Variants in CTPS2 observed in about 807,000 individuals in gnomAD.
The protein encoded by CTPS2 is CTP synthase II.
Under a neutral mutation model 46.8 loss-of-function variants are expected in CTPS2, and 19 were observed. That is an observed-to-expected ratio of 0.41 (90% CI 0.28 to 0.60). The LOEUF (loss-of-function observed/expected upper bound fraction) is 0.60. Among genes scored for constraint, CTPS2 ranks in the 20% least tolerant of loss-of-function variants. CTPS2 has a pLI of 0.35. For synonymous variants in CTPS2, 151 were observed against 165.2 expected, an observed-to-expected ratio of 0.91 and a Z score of 0.66; for missense variants, 286 against 447.6, an observed-to-expected ratio of 0.64 and a Z score of 3.26.
At chrX:16,610,867 C>T (rs955638311) in intron 16 of CTPS2, among the ~76,000 whole-genome samples, 10 of 112,246 alleles carry the variant, frequency 8.9e-5, no homozygotes, top group East Asian at 2.8e-4. Flanking sequence ...GCCATAAAAA[C>T]GAAACCATGT....
intron 15 of CTPS2, among the ~76,000 whole-genome samples, chrX:16,618,882 G>C (rs187328243): frequency 9.0e-6 from 1 of 111,066 alleles, no homozygotes; most frequent in Admixed American, 9.6e-5. Flanking sequence ...CTTATTTTTT[G>C]TCCTCTCCAT....
intron 17 of CTPS2, among the ~76,000 whole-genome samples, chrX:16,600,225 G>A (rs1929579095): frequency 8.9e-6 from 1 of 111,893 alleles, no homozygotes; most frequent in African/African-American, 3.2e-5. Flanking sequence ...CCACCTTTAC[G>A]CTACCCCAAG....
At chrX:16,688,246 A>G (rs1041659201) in intron 8 of CTPS2, among the ~76,000 whole-genome samples, 2 of 110,722 alleles carry the variant, frequency 1.8e-5, no homozygotes, top group Non-Finnish European at 1.9e-5. Context: ...TAAAAACACA[A>G]AAAATTAGCT....
chrX:16,595,434 G>C (rs932131097), intron 17 of CTPS2, among the ~76,000 whole-genome samples: 2 of 110,596 alleles, frequency 1.8e-5, no homozygotes, highest in Non-Finnish European at 3.8e-5. Context: ...AGCCTCCTGA[G>C]TAACTAGGAT....
intron 17 of CTPS2, among the ~76,000 whole-genome samples, chrX:16,599,171 T>C (rs141348697): frequency 0.025 from 2,796 of 111,999 alleles, 98 homozygotes; most frequent in African/African-American, 0.085. Context: ...CCCTCTCTCA[T>C]CACTCCTATT....
At chrX:16,686,102 T>C (rs1315030405) in intron 8 of CTPS2, among the ~76,000 whole-genome samples, 1 of 111,270 alleles carries the variant, frequency 9.0e-6, no homozygotes, top group Non-Finnish European at 1.9e-5. Context: ...TCGCATCAAT[T>C]AACAATGTCA....
At chrX:16,697,693 C>G (rs1373919900) in intron 4 of CTPS2, among the ~76,000 whole-genome samples, 1 of 110,467 alleles carries the variant, frequency 9.1e-6, no homozygotes, top group Non-Finnish European at 1.9e-5. Context: ...TCCTCCCACC[C>G]TGGCATCTGA....
At chrX:16,689,665 G>T in intron 7 of CTPS2, 64 bp from the exon 8 acceptor site, 2 of 1,047,194 alleles carry the variant, frequency 1.9e-6, no homozygotes, top group Admixed American at 2.6e-5. Flanking sequence ...CCACAAGAAT[G>T]AAACAAAATT....
In CTPS2 at chrX:16,674,959, G is replaced by A. The variant is rs1922137123; in HGVS notation, c.1094+3403C>T. Among the ~76,000 whole-genome samples, 3 of 110,305 alleles carry A rather than the reference G, an allele frequency of 2.7e-5. No homozygotes were observed. In the Admixed American group the frequency reaches 2.9e-4, roughly 11 times the overall value. ...CAGGTTTCTCTTAGAGTGCTGATCT[G>A]CTCTTTAACAAAAACTTCTAAAGGA... On this transcript the variant is annotated intron_variant, in intron 10 of 18. Transcript: ENST00000359276.
At chrX:16,691,475 G>A in intron 7 of CTPS2, 65 bp downstream of exon 7, 1 of 890,938 alleles carries the variant, frequency 1.1e-6, no homozygotes, top group Non-Finnish European at 1.6e-6. Flanking sequence ...TCATTGAAGA[G>A]GTACAAAACA....
intron 10 of CTPS2, among the ~76,000 whole-genome samples, chrX:16,675,693 T>C (rs1922212723): frequency 9.0e-6 from 1 of 111,713 alleles, no homozygotes; most frequent in Non-Finnish European, 1.9e-5. Context: ...AATTGTATTG[T>C]TTTGGTCCTC....
At chrX:16,696,902 GTTA>G (rs1156528404) in intron 4 of CTPS2, among the ~76,000 whole-genome samples, 1 of 99,438 alleles carries the variant, frequency 1.0e-5, no homozygotes, top group Non-Finnish European at 2.0e-5. Flanking sequence ...CCCCAATCCT[GTTA>G]TTATCTTATT....
At chrX:16,632,295 T>C (rs1176755777) in intron 14 of CTPS2, among the ~76,000 whole-genome samples, 4 of 112,158 alleles carry the variant, frequency 3.6e-5, no homozygotes, top group Admixed American at 9.5e-5. Flanking sequence ...AAAAACTTTT[T>C]TAAAAGGAGA....
At chrX:16,666,399 G>C (rs1921189635) in intron 13 of CTPS2, among the ~76,000 whole-genome samples, 1 of 111,859 alleles carries the variant, frequency 8.9e-6, no homozygotes, top group South Asian at 3.7e-4. Context: ...GATTCCAGGG[G>C]GAGAGGGATT....
At chrX:16,696,897 A>AACAG (rs57605999) in intron 4 of CTPS2, among the ~76,000 whole-genome samples, 1 of 108,389 alleles carries the variant, frequency 9.2e-6, no homozygotes, top group African/African-American at 3.4e-5. Flanking sequence ...TTAATCCCCA[A>AACAG]TCCTGTTATT....
intron 10 of CTPS2, 104 bp downstream of exon 10, chrX:16,678,258 A>G: frequency 1.8e-6 from 1 of 567,714 alleles, no homozygotes; most frequent in Non-Finnish European, 3.1e-6. Flanking sequence ...ACTCCAAACT[A>G]CCTTTCAAAA....
Position 16,674,438 on chromosome X carries a change from C to T in CTPS2, c.1095-3764G>A, listed in dbSNP as rs772681552. On this transcript the variant is annotated intron_variant, in intron 10 of 18. Transcript: ENST00000359276. Reference sequence around the variant, plus strand: ...TCAGCCTCCCAAAGTGCTGGGATTACAGGCGTAAGCCACCGCATCCAGCTA... The same window carrying T: ...TCAGCCTCCCAAAGTGCTGGGATTATAGGCGTAAGCCACCGCATCCAGCTA... Among the ~76,000 whole-genome samples, 5 of 111,053 alleles carry T rather than the reference C, an allele frequency of 4.5e-5. No homozygotes were observed. In the South Asian group the frequency reaches 1.9e-3, roughly 43 times the overall value.
At chrX:16,616,571 AG>A (rs1448094254) in intron 16 of CTPS2, among the ~76,000 whole-genome samples, 1 of 112,248 alleles carries the variant, frequency 8.9e-6, no homozygotes, top group African/African-American at 3.2e-5. Flanking sequence ...GCTGGCACAA[AG>A]AAGTAGCCTC....
Position 16,678,457 on chromosome X carries a change from A to G in CTPS2, c.1006-7T>C. 9.0e-7 allele frequency: 1 copy of G among 1,114,888 alleles called. No individual in the cohort carries two copies. Among genetic ancestry groups the G allele is most frequent in the Non-Finnish European group, 1.2e-6 (1 of 811,368 alleles). The allele number at this position is 1,114,888 out of a possible 1,213,427, so 91.9% of individuals were successfully genotyped here. A position where few individuals can be genotyped will look rare whatever the true frequency, so the allele number is the denominator to read the frequency against. Reference sequence around the variant, plus strand: ...GATCAATGGAGTCTATGTACTAAAAAACATCCAACAGATAAAAGGAGTATT... The same window carrying G: ...GATCAATGGAGTCTATGTACTAAAAGACATCCAACAGATAAAAGGAGTATT... On this transcript the variant is annotated splice_polypyrimidine_tract_variant and splice_region_variant and intron_variant, in intron 9 of 18. Transcript: ENST00000359276.
Sources: gnomAD v4.1 joint callset for allele counts (sites outside exome capture counted in the v4.1 genomes callset) on GRCh38, gnomAD v4.1.1 for gene constraint, MANE v1.5 for transcripts, NCBI Gene and HGNC (gene_info 2026-07-23, HGNC 2026-07-21) for gene names.